The following RBFOX1 variants were observed in gnomAD, a reference collection of about 807,000 sequenced individuals.
RBFOX1 encodes the protein RNA binding protein fox-1 homolog 1.
RBFOX1 carries 8 observed loss-of-function variants against 57.7 expected under a neutral mutation model. The observed-to-expected ratio is 0.14, with a 90% CI of 0.08 to 0.25. The LOEUF (loss-of-function observed/expected upper bound fraction) is 0.25, where lower values mean the gene tolerates loss of function less well. RBFOX1 is among the 10% of genes least tolerant of loss of function. The pLI, the probability that RBFOX1 is intolerant of heterozygous loss-of-function variation, is 1.00. For synonymous variants in RBFOX1, 326 were observed against 222.4 expected (o/e 1.47, Z -4.15); for missense variants, 611 against 548.5 (o/e 1.11, Z -1.14).
chr16:6,901,971 G>T (rs558513286), intron 3 of RBFOX1, among the ~76,000 whole-genome samples: 2 of 152,014 alleles, frequency 1.3e-5, no homozygotes, highest in African/African-American at 2.4e-5. Context: ...GAAATATTGC[G>T]TTACAGACAT....
intron 1 of RBFOX1, among the ~76,000 whole-genome samples, chr16:6,023,403 T>A (rs1031534551): frequency 2.0e-5 from 3 of 152,198 alleles, no homozygotes; most frequent in Non-Finnish European, 4.4e-5. Flanking sequence ...AGCTATTATA[T>A]TTTATCAAAG....
chr16:7,391,982 T>C (rs574562108), intron 4 of RBFOX1, among the ~76,000 whole-genome samples: 2 of 152,340 alleles, frequency 1.3e-5, no homozygotes, highest in East Asian at 1.9e-4. Flanking sequence ...GCCCTTAGAA[T>C]ACAAGCTCTC....
At chr16:6,144,837 A>G (rs1008912324) in intron 1 of RBFOX1, among the ~76,000 whole-genome samples, 2 of 152,204 alleles carry the variant, frequency 1.3e-5, no homozygotes, top group African/African-American at 4.8e-5. Context: ...ATTTATTGGA[A>G]CAAACTGTGA....
chr16:5,564,373 G>T (rs570781794), intron 2 of RBFOX1, among the ~76,000 whole-genome samples: 10 of 152,242 alleles, frequency 6.6e-5, no homozygotes, highest in African/African-American at 2.4e-4. Context: ...GCCATTTGAT[G>T]ATGTTGTCTT....
intron 1 of RBFOX1, among the ~76,000 whole-genome samples, chr16:6,113,193 G>A (rs1187205405): frequency 6.6e-6 from 1 of 152,170 alleles, no homozygotes; most frequent in African/African-American, 2.4e-5. Context: ...CCTTAGACCA[G>A]AGACTTCTTT....
chr16:6,539,162 C>T (rs533753481), intron 2 of RBFOX1, among the ~76,000 whole-genome samples: 6 of 151,620 alleles, frequency 4.0e-5, no homozygotes, highest in South Asian at 2.1e-4. Flanking sequence ...TATGACTGTT[C>T]TTCTCCTTGG....
intron 3 of RBFOX1, among the ~76,000 whole-genome samples, chr16:6,865,635 T>G (rs1028899866): frequency 2.0e-5 from 3 of 152,222 alleles, no homozygotes; most frequent in African/African-American, 7.2e-5. Flanking sequence ...GACTGAGATG[T>G]ATTCTTCATG....
At chr16:7,023,587 A>AAAG (rs1169370938) in intron 3 of RBFOX1, among the ~76,000 whole-genome samples, 5 of 149,758 alleles carry the variant, frequency 3.3e-5, no homozygotes, top group African/African-American at 1.2e-4. Context: ...AAAAAAAAAA[A>AAAG]AAAAAAATTA....
intron 1 of RBFOX1, among the ~76,000 whole-genome samples, chr16:5,318,457 C>T (rs1041577997): frequency 6.6e-6 from 1 of 152,138 alleles, no homozygotes; most frequent in Non-Finnish European, 1.5e-5. Context: ...CCAGCCGTTA[C>T]CCATGAATTT....
chr16:6,710,654 T>A (rs1309284176), intron 3 of RBFOX1, among the ~76,000 whole-genome samples: 1 of 152,260 alleles, frequency 6.6e-6, no homozygotes, highest in Non-Finnish European at 1.5e-5. Context: ...GTCTCAAGTA[T>A]GGCTGAATCC....
At chr16:7,019,379 C>A (rs1597168131) in intron 3 of RBFOX1, among the ~76,000 whole-genome samples, 1 of 151,970 alleles carries the variant, frequency 6.6e-6, no homozygotes. Flanking sequence ...TCATGGACTT[C>A]ATGAAAGTAT....
intron 2 of RBFOX1, among the ~76,000 whole-genome samples, chr16:6,536,931 G>T (rs1416700870): frequency 2.6e-5 from 4 of 152,138 alleles, no homozygotes; most frequent in Non-Finnish European, 5.9e-5. Context: ...TGTATACAAA[G>T]TAATTTTTGT....
intron 3 of RBFOX1, among the ~76,000 whole-genome samples, chr16:6,890,943 C>G (rs1031844773): frequency 6.6e-6 from 1 of 152,172 alleles, no homozygotes; most frequent in East Asian, 1.9e-4. Context: ...TTGCTTGTGA[C>G]TGTAAGTGTT....
At chr16:7,034,129 G>A (rs778299397) in intron 3 of RBFOX1, among the ~76,000 whole-genome samples, 13 of 152,154 alleles carry the variant, frequency 8.5e-5, no homozygotes, top group East Asian at 1.9e-4. Context: ...GCAACAGGAC[G>A]TTGTCTGAGT....
intron 1 of RBFOX1, among the ~76,000 whole-genome samples, chr16:6,287,495 C>G (rs548062414): frequency 4.9e-4 from 75 of 152,192 alleles, no homozygotes; most frequent in African/African-American, 1.7e-3. Context: ...GGCTGCAATA[C>G]CAAATACTAG....
At chr16:7,308,383 C>T (rs1253269815) in intron 4 of RBFOX1, among the ~76,000 whole-genome samples, 29 of 151,726 alleles carry the variant, frequency 1.9e-4, no homozygotes, top group African/African-American at 5.8e-4. Flanking sequence ...ACACCACCAG[C>T]GTCTCTCAGT....
At chr16:7,046,993 C>G (rs2048203081) in intron 3 of RBFOX1, among the ~76,000 whole-genome samples, 1 of 150,258 alleles carries the variant, frequency 6.7e-6, no homozygotes, top group African/African-American at 2.4e-5. Flanking sequence ...TGCTTTAAGC[C>G]ATTAAACATA....
intron 1 of RBFOX1, among the ~76,000 whole-genome samples, chr16:6,134,683 AT>A (rs61209958): frequency 7.5e-4 from 107 of 143,232 alleles, no homozygotes; most frequent in Middle Eastern, 7.5e-3. Flanking sequence ...AACTCAGAGT[AT>A]TTTTTTTTTT....
chr16:7,049,445 T>A (rs937209491), intron 3 of RBFOX1, among the ~76,000 whole-genome samples: 6 of 151,132 alleles, frequency 4.0e-5, no homozygotes, highest in Admixed American at 6.6e-5. Flanking sequence ...ACACAAACTT[T>A]TAAAAAGAAA....
Sources: gnomAD v4.1 joint callset for allele counts (sites outside exome capture counted in the v4.1 genomes callset) on GRCh38, gnomAD v4.1.1 for gene constraint, MANE v1.5 for transcripts, NCBI Gene and HGNC (gene_info 2026-07-23, HGNC 2026-07-21) for gene names.